The following CPE variants were observed in gnomAD, a reference collection of about 807,000 sequenced individuals.
The protein encoded by CPE is carboxypeptidase E.
In CPE, 17 loss-of-function variants were observed where a neutral mutation model predicts 53.5. The observed-to-expected ratio is 0.32, with a 90% CI of 0.22 to 0.48. The LOEUF (loss-of-function observed/expected upper bound fraction) is 0.48. Ranked by LOEUF, CPE falls within the 20% of genes least tolerant of loss-of-function variation. CPE has a pLI of 0.99. For missense variants in CPE, 524 were observed against 614.7 expected, an observed-to-expected ratio of 0.85 and a Z score of 1.56; for synonymous variants, 226 against 228.8, an observed-to-expected ratio of 0.99 and a Z score of 0.11.
chr4:165,439,399 G>A (rs1731570243), intron 1 of CPE, among the ~76,000 whole-genome samples: 1 of 152,116 alleles, frequency 6.6e-6, no homozygotes, highest in Non-Finnish European at 1.5e-5. Flanking sequence ...AGAGTAGACT[G>A]TGTCTTTATT....
chr4:165,455,895 C>T (rs909870794), intron 1 of CPE, among the ~76,000 whole-genome samples: 6 of 152,090 alleles, frequency 3.9e-5, no homozygotes, highest in Non-Finnish European at 4.4e-5. Context: ...TCAGGTAATC[C>T]GCCTGCTTTG....
At chr4:165,483,156 C>T (rs532976305) in intron 4 of CPE, among the ~76,000 whole-genome samples, 34 of 152,164 alleles carry the variant, frequency 2.2e-4, no homozygotes, top group African/African-American at 7.9e-4. Flanking sequence ...CCATCCTCCC[C>T]GCTTTTGGAG....
chr4:165,496,091 C>T (rs1732701509), intron 8 of CPE, among the ~76,000 whole-genome samples: 1 of 152,056 alleles, frequency 6.6e-6, no homozygotes, highest in African/African-American at 2.4e-5. Context: ...ATGTGCAAGG[C>T]TCTCTGTGCT....
chr4:165,453,332 T>TTTCCTTCCTTCC (rs1267517278), intron 1 of CPE, among the ~76,000 whole-genome samples: 1 of 149,458 alleles, frequency 6.7e-6, no homozygotes, highest in Non-Finnish European at 1.5e-5. Flanking sequence ...TCCTTCCTTC[T>TTTCCTTCCTTCC]TTCCTTCCTT....
chr4:165,392,988 T>G (rs1307326764), intron 1 of CPE, among the ~76,000 whole-genome samples: 5 of 151,514 alleles, frequency 3.3e-5, no homozygotes, highest in Admixed American at 3.3e-4. Flanking sequence ...AACAATTGAT[T>G]ACTAATGCTT....
intron 1 of CPE, among the ~76,000 whole-genome samples, chr4:165,399,966 G>A (rs967596169): frequency 2.0e-5 from 3 of 152,142 alleles, no homozygotes; most frequent in African/African-American, 7.2e-5. Context: ...TAATAACAGA[G>A]CACTTTGTGC....
intron 3 of CPE, among the ~76,000 whole-genome samples, chr4:165,481,802 C>T (rs753914273): frequency 1.1e-4 from 16 of 152,204 alleles, no homozygotes; most frequent in Non-Finnish European, 2.2e-4. Context: ...TGGAAATAAA[C>T]TTTACCACAT....
At chr4:165,462,482 T>C (rs1732024964) in intron 1 of CPE, among the ~76,000 whole-genome samples, 1 of 129,162 alleles carries the variant, frequency 7.7e-6, no homozygotes, top group South Asian at 2.5e-4. Context: ...TGCAACTTTT[T>C]CAAAAAAACT....
chr4:165,432,466 T>C (rs929318975), intron 1 of CPE, among the ~76,000 whole-genome samples: 1 of 152,030 alleles, frequency 6.6e-6, no homozygotes, highest in African/African-American at 2.4e-5. Flanking sequence ...TGGCTAAGTT[T>C]TTTAATTTTT....
At chr4:165,405,415 G>A (rs60683944) in intron 1 of CPE, 14 of 919,374 alleles carry the variant, frequency 1.5e-5, no homozygotes, top group Admixed American at 1.4e-4. Context: ...AACCAGCATC[G>A]CTCCCTTGCT....
chr4:165,421,737 G>T (rs1047145983), intron 1 of CPE, among the ~76,000 whole-genome samples: 1 of 152,128 alleles, frequency 6.6e-6, no homozygotes, highest in Admixed American at 6.5e-5. Context: ...ATCATATCAT[G>T]ATTTAGAACA....
At chr4:165,447,495 C>G (rs1042760916) in intron 1 of CPE, among the ~76,000 whole-genome samples, 7 of 151,788 alleles carry the variant, frequency 4.6e-5, no homozygotes, top group African/African-American at 1.5e-4. Context: ...CACTTGAATC[C>G]AGGAGGCAGA....
intron 1 of CPE, among the ~76,000 whole-genome samples, chr4:165,431,365 G>A (rs1479694434): frequency 1.3e-5 from 2 of 152,186 alleles, no homozygotes; most frequent in African/African-American, 4.8e-5. Context: ...AAGGCGAAAG[G>A]ACCGGCAGAA....
At chr4:165,405,934 A>T in intron 1 of CPE, 1 of 731,160 alleles carries the variant, frequency 1.4e-6, no homozygotes, top group Non-Finnish European at 2.6e-6. Context: ...TGGCAGTCAC[A>T]ACAGGCTTTA....
At chr4:165,430,852 A>G (rs1300914831) in intron 1 of CPE, among the ~76,000 whole-genome samples, 1 of 152,228 alleles carries the variant, frequency 6.6e-6, no homozygotes, top group Non-Finnish European at 1.5e-5. Flanking sequence ...GGCACAGTCC[A>G]GAGGAAATGA....
chr4:165,385,081 C>T (rs868161002), intron 1 of CPE, among the ~76,000 whole-genome samples: 2 of 152,130 alleles, frequency 1.3e-5, no homozygotes, highest in South Asian at 4.1e-4. Flanking sequence ...CTTTTGTTCA[C>T]CTCTTTTCCT....
intron 1 of CPE, among the ~76,000 whole-genome samples, chr4:165,422,156 GCA>G (rs1731234338): frequency 6.6e-6 from 1 of 151,722 alleles, no homozygotes. Context: ...CTTTTTCTTG[GCA>G]CAGTTATTAA....
Position 165,465,318 on chromosome 4 carries a change from G to A in CPE, c.504+732G>A, listed in dbSNP as rs73860787. ...TTTATCTACAGCTAAAAAATCCAAT[G>A]ACATAGTTTGACATTGTAAGAAACC... On this transcript the variant is annotated intron_variant, in intron 2 of 8. Coordinates refer to ENST00000402744, the MANE Select transcript of CPE (RefSeq NM_001873.4). Among the ~76,000 whole-genome samples the A allele has an allele frequency of 4.6e-3, 693 of 152,030 alleles. 7 individuals carry two copies. Among genetic ancestry groups the A allele is most frequent in the African/African-American group, 0.015 (613 of 41,476 alleles).
rs563579232 is a variant in CPE at position 165,385,507 on chromosome 4, G to A, written c.307+5979G>A. Among the ~76,000 whole-genome samples the A allele has an allele frequency of 4.9e-4, 69 of 139,574 alleles. No individual in the cohort carries two copies. The South Asian group carries it at 0.014, about 28-fold the overall frequency. 91.6% of individuals were successfully genotyped at this position (139,574 alleles called of 152,430 possible). ...CACCCAGGCTGGAGTGAAGTGGCAC[G>A]ATCATGGCTCATTGCAGCCTTGAAC... On this transcript the variant is annotated intron_variant, in intron 1 of 8. Transcript: ENST00000402744.
Sources: allele counts gnomAD v4.1 joint callset (sites outside exome capture counted in the v4.1 genomes callset), GRCh38; gene constraint gnomAD v4.1.1; transcripts MANE v1.5; gene names NCBI Gene and HGNC (gene_info 2026-07-23, HGNC 2026-07-21).